SLC46A1: variants seen among roughly 807,000 people sequenced by gnomAD.
SLC46A1 encodes the protein proton-coupled folate transporter.
In SLC46A1, 17 loss-of-function variants were observed where a neutral mutation model predicts 32.1. That is an observed-to-expected ratio of 0.53 (90% CI 0.36 to 0.79). SLC46A1 has a LOEUF of 0.79. SLC46A1 is among the 30% of genes least tolerant of loss of function. The pLI, the probability that SLC46A1 is intolerant of heterozygous loss-of-function variation, is 0.00. For missense variants in SLC46A1, 517 were observed against 588.2 expected (o/e 0.88, Z 1.25); for synonymous variants, 240 against 262.7 (o/e 0.91, Z 0.84).
In SLC46A1 at chr17:28,395,785, C is replaced by G; in HGVS notation, c.*3871G>C. 9.7e-7 allele frequency: 1 copy of G among 1,032,862 alleles called. No individual in the cohort carries two copies. The highest frequency in any genetic ancestry group is 1.4e-5 in the South Asian group (1 of 73,360). The allele number at this position is 1,032,862 out of a possible 1,614,324, so 64.0% of individuals were successfully genotyped here. On this transcript the variant is annotated 3_prime_UTR_variant, in exon 5 of 5. Coordinates refer to ENST00000612814, the MANE Select transcript of SLC46A1 (RefSeq NM_080669.6). ...TTAAGGTAGACATCAAGGTGGACAT[C>G]AGGACTGGTGTCCTGCCCTGGGCCC...
Position 28,396,404 on chromosome 17 carries a change from G to A in SLC46A1, c.*3252C>T. ...CAACCTGGGCTCTTCTTAGGAAATGGCTCTCCCTCCCCCTGTCCCCCACCC... is the reference window on the plus strand; with the variant it reads ...CAACCTGGGCTCTTCTTAGGAAATGACTCTCCCTCCCCCTGTCCCCCACCC... On this transcript the variant is annotated 3_prime_UTR_variant, in exon 5 of 5. Coordinates refer to ENST00000612814, the MANE Select transcript of SLC46A1 (RefSeq NM_080669.6). 1 of 1,223,738 alleles carries A rather than the reference G, an allele frequency of 8.2e-7. No homozygotes were observed. The highest frequency in any genetic ancestry group is 1.2e-6 in the Non-Finnish European group (1 of 860,998). 75.8% of individuals were successfully genotyped at this position (1,223,738 alleles called of 1,614,324 possible). A position where few individuals can be genotyped will look rare whatever the true frequency, so the allele number is the denominator to read the frequency against.
Position 28,396,326 on chromosome 17 carries a change from C to T in SLC46A1, c.*3330G>A. 6.2e-7 allele frequency: 1 copy of T among 1,610,048 alleles called. No homozygotes were observed. Among genetic ancestry groups the T allele is most frequent in the Non-Finnish European group, 8.5e-7 (1 of 1,177,216 alleles). On this transcript the variant is annotated 3_prime_UTR_variant, in exon 5 of 5. Coordinates refer to ENST00000612814, the MANE Select transcript of SLC46A1 (RefSeq NM_080669.6). The stretch of plus-strand genomic sequence containing the variant: ...CCCAGCCCTGCTGTGACTTCCATTT[C>T]CATCGTCCTTTCTGAAGGAACAGCT...
At chr17:28,403,111 C>T (rs1555590000) in intron 2 of SLC46A1, 11 of 152,284 alleles carry the variant, frequency 7.2e-5, no homozygotes, top group Non-Finnish European at 1.6e-4. Context: ...CACGTTCTCT[C>T]CTGGAGGCTT....
intron 1 of SLC46A1, 25 bp downstream of exon 1, chr17:28,405,862 G>A: frequency 1.3e-6 from 2 of 1,543,126 alleles, no homozygotes; most frequent in Non-Finnish European, 8.7e-7. Flanking sequence ...CCCTCCACCT[G>A]CCAGGCTCCT....
intron 4 of SLC46A1, 97 bp from the exon 5 acceptor site, chr17:28,399,810 A>G (rs1314335520): frequency 1.5e-6 from 2 of 1,299,762 alleles, no homozygotes; most frequent in Non-Finnish European, 2.2e-6. Context: ...GGGCTGGTCC[A>G]GGTAGCTCTC....
chr17:28,403,913 C>T (rs2068224487), intron 2 of SLC46A1: 1 of 152,600 alleles, frequency 6.6e-6, no homozygotes, highest in African/African-American at 2.4e-5. Context: ...ACTAGAGAGG[C>T]CAAGGTGGGA....
At position 28,404,605 on chromosome 17, in the gene SLC46A1, A is replaced by T. The variant is rs1311891062; in HGVS notation, c.1081+11T>A. On this transcript the variant is annotated intron_variant, in intron 2 of 4. Transcript: ENST00000612814. ...TCTGGGACAAGCTGTCCCTGAGCCCACACACTTTACCTGTGAACATGAGAG... is the reference window on the plus strand; with the variant it reads ...TCTGGGACAAGCTGTCCCTGAGCCCTCACACTTTACCTGTGAACATGAGAG... 9 of 1,609,620 alleles carry T rather than the reference A, an allele frequency of 5.6e-6. No individual in the cohort carries two copies. Among genetic ancestry groups the T allele is most frequent in the Non-Finnish European group, 7.6e-6 (9 of 1,177,202 alleles).
In SLC46A1 at chr17:28,398,158, A is replaced by G. The variant is rs1436003414; in HGVS notation, c.*1498T>C. On this transcript the variant is annotated 3_prime_UTR_variant, in exon 5 of 5. Transcript: ENST00000612814. ...GCCAATAACAATACAGTGTCTGAGT[A>G]TCTCCAGGGGATGATTTCTGGCTCT... is the stretch of plus-strand genomic sequence containing the variant. 6.6e-6 allele frequency: 1 copy of G among 152,334 alleles called. No homozygotes were observed. 9.4% of individuals were successfully genotyped at this position (152,334 alleles called of 1,614,324 possible). A position where few individuals can be genotyped will look rare whatever the true frequency, so the allele number is the denominator to read the frequency against.
chr17:28,404,624 A>C lies in SLC46A1; in HGVS notation c.1073T>G (p.Met358Arg), dbSNP rs781962021. The C allele has an allele frequency of 6.2e-7, 1 of 1,610,402 alleles. No individual in the cohort carries two copies. The highest frequency in any genetic ancestry group is 1.3e-5 in the African/African-American group (1 of 74,798). Residue 358 changes from methionine to arginine, a missense_variant, in exon 2 of 5, where the codon ATG becomes AGG. Met to Arg is a moderately conservative substitution (Grantham distance 91, BLOSUM62 -1). Transcript: ENST00000612814. ...VFAFATITPLMFTGYGLLFLS... is the reference protein window; with the variant it reads ...VFAFATITPLRFTGYGLLFLS... The stretch of plus-strand genomic sequence containing the variant: ...GAGCCCACACACTTTACCTGTGAAC[A>C]TGAGAGGCGTGATAGTGGCAAAGGC...
chr17:28,397,866 C>G lies in SLC46A1; in HGVS notation c.*1790G>C, dbSNP rs1340342318. On this transcript the variant is annotated 3_prime_UTR_variant, in exon 5 of 5. Coordinates refer to ENST00000612814, the MANE Select transcript of SLC46A1 (RefSeq NM_080669.6). ...GACACCTTAAAGCTGGCTGCGCCCC[C>G]AGCCCCACTCTTGGCTGTGCTGGCC... The G allele has an allele frequency of 6.5e-6, 1 of 152,930 alleles. No homozygotes were observed. The highest frequency in any genetic ancestry group is 1.5e-5 in the Non-Finnish European group (1 of 68,594). 9.5% of individuals were successfully genotyped at this position (152,930 alleles called of 1,614,324 possible).
rs1243349862 is a variant in SLC46A1, at chr17:28,406,119, G to A, written c.-5C>T. On this transcript the variant is annotated 5_prime_UTR_variant, in exon 1 of 5. The change creates a new upstream start codon in the 5' untranslated region. Coordinates refer to ENST00000612814, the MANE Select transcript of SLC46A1 (RefSeq NM_080669.6). This position sits in a 1 kb window ranked among gnomAD's most constrained non-coding sequence, Gnocchi z 4.5. ...GGGGCTCGCGCTCCCCTCCATGTGC[G>A]TGCGCGGCGGAGCTGTCGCCAGGCG... The A allele has an allele frequency of 2.0e-6, 3 of 1,467,418 alleles. No individual in the cohort carries two copies. The highest frequency in any genetic ancestry group is 2.7e-6 in the Non-Finnish European group (3 of 1,109,846). The allele number at this position is 1,467,418 out of a possible 1,614,324, so 90.9% of individuals were successfully genotyped here.
At position 28,396,215 on chromosome 17, in the gene SLC46A1, C is replaced by A; in HGVS notation, c.*3441G>T. On this transcript the variant is annotated 3_prime_UTR_variant, in exon 5 of 5. Transcript: ENST00000612814. ...GAAGATCATCCGCTTCCTGCAGGGC[C>A]GCTCCTCCCGGGACTCATCTGCAGG... 6.2e-7 allele frequency: 1 copy of A among 1,613,974 alleles called. No homozygotes were observed. Among genetic ancestry groups the A allele is most frequent in the Non-Finnish European group, 8.5e-7 (1 of 1,179,870 alleles).
At chr17:28,404,420 A>C (rs1297859512) in intron 2 of SLC46A1, 196 bp downstream of exon 2, 7 of 656,938 alleles carry the variant, frequency 1.1e-5, no homozygotes, top group African/African-American at 1.8e-5. Flanking sequence ...TAGCTACTGA[A>C]GGTCTATATT....
chr17:28,400,048 C>T (rs2068177145), intron 4 of SLC46A1: 2 of 310,778 alleles, frequency 6.4e-6, no homozygotes, highest in Non-Finnish European at 1.2e-5. Context: ...TGCATACCAC[C>T]ATGCCTGGGT....
At chr17:28,406,297 C>G, upstream of SLC46A1, 1 of 466,516 alleles carries the variant, frequency 2.1e-6, no homozygotes, top group East Asian at 3.8e-5. This position sits in a 1 kb window ranked among gnomAD's most constrained non-coding sequence, Gnocchi z 4.5. Context: ...CGCGGGTGCA[C>G]CTGGCTGGGC....
intron 2 of SLC46A1, chr17:28,404,210 CTA>C (rs2068227622): frequency 1.0e-5 from 2 of 191,050 alleles, no homozygotes; most frequent in African/African-American, 4.7e-5. Flanking sequence ...AAGAAGCTGA[CTA>C]AGGGTATTTG....
At position 28,406,007 on chromosome 17, in the gene SLC46A1, C is replaced by A. The variant is rs1387644920; in HGVS notation, c.108G>T (p.Leu36Phe). Residue 36 changes from leucine to phenylalanine, a missense_variant, in exon 1 of 5, where the codon TTG (leucine) becomes TTT (phenylalanine). By Grantham distance (22) the Leu-to-Phe change is conservative. Transcript: ENST00000612814. This position sits in a 1 kb window ranked among gnomAD's most constrained non-coding sequence, Gnocchi z 4.5. ...EPLVFLANFA[L>F]VLQGPLTTQY... ...GCGTGGTGAGCGGGCCCTGCAGGACCAAGGCAAAGTTGGCCAGGAAGACCA... is the reference window on the plus strand; with the variant it reads ...GCGTGGTGAGCGGGCCCTGCAGGACAAAGGCAAAGTTGGCCAGGAAGACCA... 2.5e-6 allele frequency: 4 copies of A among 1,610,936 alleles called. No homozygotes were observed. Among genetic ancestry groups the A allele is most frequent in the Non-Finnish European group, 3.4e-6 (4 of 1,179,128 alleles).
chr17:28,396,264 C>T lies in SLC46A1; in HGVS notation c.*3392G>A, dbSNP rs368545564. 1.4e-5 allele frequency: 23 copies of T among 1,614,012 alleles called. No individual in the cohort carries two copies. In the African/African-American group the frequency reaches 2.8e-4, roughly 20 times the overall value. On this transcript the variant is annotated 3_prime_UTR_variant, in exon 5 of 5. Coordinates refer to ENST00000612814, the MANE Select transcript of SLC46A1 (RefSeq NM_080669.6). Reference sequence around the variant, plus strand: ...GGCTCTGACACCAGTTTGGAGGGTGCTGCACCCATGGGTCCAACCTAACCA... The same window carrying T: ...GGCTCTGACACCAGTTTGGAGGGTGTTGCACCCATGGGTCCAACCTAACCA...
chr17:28,395,831 C>G lies in SLC46A1; in HGVS notation c.*3825G>C. The G allele has an allele frequency of 1.3e-6, 2 of 1,590,018 alleles. No homozygotes were observed. Among genetic ancestry groups the G allele is most frequent in the Non-Finnish European group, 1.7e-6 (2 of 1,167,720 alleles). Reference sequence around the variant, plus strand: ...GGCCCAGCCTCGGGCCAGTGGGCCTCCCAGCACCTGCCTGGCTACAAGGGT... The same window carrying G: ...GGCCCAGCCTCGGGCCAGTGGGCCTGCCAGCACCTGCCTGGCTACAAGGGT... On this transcript the variant is annotated 3_prime_UTR_variant, in exon 5 of 5. Coordinates refer to ENST00000612814, the MANE Select transcript of SLC46A1 (RefSeq NM_080669.6).
Sources: gnomAD v4.1 joint callset for allele counts on GRCh38, gnomAD v4.1.1 for gene constraint, Gnocchi (gnomAD v3.1) non-coding constraint, MANE v1.5 for transcripts, NCBI Gene and HGNC (gene_info 2026-07-23, HGNC 2026-07-21) for gene names.